Variants in CHCHD3 observed in about 807,000 individuals in gnomAD.
The protein encoded by CHCHD3 is coiled-coil-helix-coiled-coil-helix domain containing 3.
Under a neutral mutation model 38.2 loss-of-function variants are expected in CHCHD3, and 20 were observed. The observed-to-expected ratio is 0.52, with a 90% confidence interval of 0.37 to 0.76. The LOEUF (loss-of-function observed/expected upper bound fraction) is 0.76. Among genes scored for constraint, CHCHD3 ranks in the 30% least tolerant of loss-of-function variants. The pLI is 0.00. For missense variants in CHCHD3, 245 were observed against 279.2 expected (o/e 0.88, Z 0.87); for synonymous variants, 82 against 100.0 (o/e 0.82, Z 1.07).
intron 5 of CHCHD3, among the ~76,000 whole-genome samples, chr7:132,840,466 A>T (rs1160813169): frequency 6.6e-6 from 1 of 152,234 alleles, no homozygotes; most frequent in Non-Finnish European, 1.5e-5. Flanking sequence ...ATCTGGAGAG[A>T]GACAGGACTA....
At chr7:133,055,416 G>A (rs1004872384) in intron 2 of CHCHD3, among the ~76,000 whole-genome samples, 19 of 143,122 alleles carry the variant, frequency 1.3e-4, no homozygotes, top group Non-Finnish European at 2.7e-4. Flanking sequence ...ATGTTATATA[G>A]TAATCATAAT....
rs768136991 is a variant in CHCHD3 at position 132,990,951 on chromosome 7, TAC to T, written c.252-15667_252-15666del. 7.5e-3 allele frequency among the ~76,000 whole-genome samples: 1,073 copies of T among 143,638 alleles called. 11 individuals carry two copies. The highest frequency in any genetic ancestry group is 0.02 in the African/African-American group (736 of 37,686). 94.2% of individuals were successfully genotyped at this position (143,638 alleles called of 152,430 possible). Reference sequence around the variant, plus strand: ...TTCTGCTCCCCTACACAGACACACATACACACACACACACACACACACACACA... The same window carrying T: ...TTCTGCTCCCCTACACAGACACACATACACACACACACACACACACACACA... On this transcript the variant is annotated intron_variant, in intron 3 of 7. Coordinates refer to ENST00000262570, the MANE Select transcript of CHCHD3 (RefSeq NM_017812.4).
chr7:132,995,976 C>T (rs1260459825), intron 3 of CHCHD3, among the ~76,000 whole-genome samples: 1 of 152,056 alleles, frequency 6.6e-6, no homozygotes, highest in Admixed American at 6.6e-5. Flanking sequence ...AGTTGTTAGT[C>T]CCCATTCAGA....
chr7:133,041,327 A>T (rs967900777), intron 2 of CHCHD3, among the ~76,000 whole-genome samples: 2 of 152,224 alleles, frequency 1.3e-5, no homozygotes, highest in Non-Finnish European at 2.9e-5. Context: ...AATTTCAAAT[A>T]ACAAGGAATT....
chr7:133,059,337 C>T (rs1045337707), intron 2 of CHCHD3, among the ~76,000 whole-genome samples: 3 of 152,104 alleles, frequency 2.0e-5, no homozygotes, highest in Admixed American at 2.0e-4. Context: ...GACACCCTAA[C>T]CAAACCTCAC....
At chr7:132,801,854 GA>G (rs547219173) in intron 6 of CHCHD3, among the ~76,000 whole-genome samples, 1 of 152,254 alleles carries the variant, frequency 6.6e-6, no homozygotes, top group East Asian at 1.9e-4. Context: ...GTTGACTTTG[GA>G]AAAAGATGTC....
At chr7:132,834,812 G>A (rs1410576348) in intron 6 of CHCHD3, among the ~76,000 whole-genome samples, 1 of 152,060 alleles carries the variant, frequency 6.6e-6, no homozygotes, top group African/African-American at 2.4e-5. Context: ...GAGCAGCACT[G>A]TTCAGAGTTT....
intron 6 of CHCHD3, among the ~76,000 whole-genome samples, chr7:132,812,206 T>TC (rs1807089612): frequency 1.6e-5 from 2 of 122,696 alleles, no homozygotes; most frequent in South Asian, 3.1e-4. Flanking sequence ...TTTTCTTTTT[T>TC]TTTTTTTTTT....
chr7:132,990,951 T>TAC (rs768136991), intron 3 of CHCHD3, among the ~76,000 whole-genome samples: 8,010 of 143,686 alleles, frequency 0.056, 236 homozygotes, highest in Non-Finnish European at 0.061. Context: ...CAGACACACA[T>TAC]ACACACACAC....
intron 4 of CHCHD3, among the ~76,000 whole-genome samples, chr7:132,886,483 T>C (rs1465953595): frequency 6.6e-6 from 1 of 151,796 alleles, no homozygotes; most frequent in East Asian, 1.9e-4. Flanking sequence ...CTAATGTTGG[T>C]ATCTTGAATA....
chr7:133,081,276 G>A (rs1584693875), intron 1 of CHCHD3, among the ~76,000 whole-genome samples: 1 of 152,076 alleles, frequency 6.6e-6, no homozygotes, highest in East Asian at 1.9e-4. Flanking sequence ...TGGGAAAGAG[G>A]AGATATCAAG....
At chr7:132,935,856 ATCTGC>A (rs1224114938) in intron 4 of CHCHD3, among the ~76,000 whole-genome samples, 1 of 152,196 alleles carries the variant, frequency 6.6e-6, no homozygotes, top group Non-Finnish European at 1.5e-5. Context: ...TGGCGCCAGC[ATCTGC>A]TTGGCATTTG....
chr7:132,799,160 A>G (rs1806702658), intron 6 of CHCHD3, among the ~76,000 whole-genome samples: 1 of 152,120 alleles, frequency 6.6e-6, no homozygotes, highest in South Asian at 2.1e-4. Context: ...CTCCAGCTCC[A>G]GGAGTAGACT....
At chr7:133,057,381 G>A (rs187783408) in intron 2 of CHCHD3, among the ~76,000 whole-genome samples, 72 of 152,172 alleles carry the variant, frequency 4.7e-4, no homozygotes, top group Non-Finnish European at 9.1e-4. Context: ...GAGCAACATA[G>A]CAAGATCCTG....
At chr7:133,031,715 T>C (rs1169949434) in intron 2 of CHCHD3, among the ~76,000 whole-genome samples, 1 of 152,144 alleles carries the variant, frequency 6.6e-6, no homozygotes, top group Non-Finnish European at 1.5e-5. Flanking sequence ...TTTCATGTGC[T>C]AGTTTAAACA....
At chr7:132,856,562 C>G (rs4142405) in intron 5 of CHCHD3, among the ~76,000 whole-genome samples, 35,122 of 152,138 alleles carry the variant, frequency 0.23, 4,239 homozygotes, top group South Asian at 0.26. Context: ...GCAATAACCA[C>G]GCTGTGTCTG....
At chr7:132,881,596 C>G (rs991593369) in intron 5 of CHCHD3, among the ~76,000 whole-genome samples, 1 of 152,084 alleles carries the variant, frequency 6.6e-6, no homozygotes, top group Non-Finnish European at 1.5e-5. Context: ...CTGGTATCTA[C>G]TTTATAGTTT....
At chr7:132,903,045 C>A (rs1353238962) in intron 4 of CHCHD3, among the ~76,000 whole-genome samples, 2 of 152,154 alleles carry the variant, frequency 1.3e-5, no homozygotes, top group African/African-American at 4.8e-5. Flanking sequence ...AGACCTGTAA[C>A]TATATAATCA....
At chr7:132,985,200 G>C (rs1383279639) in intron 3 of CHCHD3, among the ~76,000 whole-genome samples, 4 of 75,674 alleles carry the variant, frequency 5.3e-5, no homozygotes, top group South Asian at 9.0e-4. Context: ...GAAGGGAGGT[G>C]GGGGGGTTAG....
Sources: gnomAD v4.1 joint callset for allele counts (sites outside exome capture counted in the v4.1 genomes callset) on GRCh38, gnomAD v4.1.1 for gene constraint, MANE v1.5 for transcripts, NCBI Gene and HGNC (gene_info 2026-07-23, HGNC 2026-07-21) for gene names.